DNAJC7: variants seen among roughly 807,000 people sequenced by gnomAD.
The protein encoded by DNAJC7 is DnaJ heat shock protein family (Hsp40) member C7.
In DNAJC7, 18 loss-of-function variants were observed where a neutral mutation model predicts 67.4. The observed-to-expected ratio is 0.27, with a 90% confidence interval of 0.18 to 0.40. The LOEUF (loss-of-function observed/expected upper bound fraction) is 0.40, where lower values mean the gene tolerates loss of function less well. Ranked by LOEUF, DNAJC7 falls within the 10% of genes least tolerant of loss-of-function variation. DNAJC7 has a pLI of 1.00. For missense variants in DNAJC7, 419 were observed against 613.8 expected (o/e 0.68, Z 3.35); for synonymous variants, 220 against 207.8 (o/e 1.06, Z -0.50).
chr17:41,988,047 G>A, intron 8 of DNAJC7, 137 bp from the exon 9 acceptor site: 2 of 694,374 alleles, frequency 2.9e-6, no homozygotes, highest in Non-Finnish European at 4.8e-6. Flanking sequence ...CTAGTTCTTT[G>A]TCACCAGGGC....
chr17:42,004,831 G>A (rs187842086), intron 1 of DNAJC7, among the ~76,000 whole-genome samples: 5 of 152,324 alleles, frequency 3.3e-5, no homozygotes, highest in Admixed American at 1.3e-4. Flanking sequence ...TTTGAGAACA[G>A]CCTGGAAAAC....
intron 5 of DNAJC7, among the ~76,000 whole-genome samples, chr17:41,991,114 A>G (rs1299993284): frequency 6.6e-6 from 1 of 152,178 alleles, no homozygotes; most frequent in Non-Finnish European, 1.5e-5. Context: ...ATCTCCATAT[A>G]TTCTGTTTTT....
At chr17:41,977,411 C>T (rs549461322) in intron 12 of DNAJC7, 88 bp from the exon 13 acceptor site, 5 of 1,236,518 alleles carry the variant, frequency 4.0e-6, no homozygotes, top group Non-Finnish European at 4.6e-6. Context: ...GAGAACAGAT[C>T]TCCAAAGCTT....
intron 1 of DNAJC7, chr17:42,016,174 C>T (rs183755229): frequency 6.6e-6 from 1 of 152,334 alleles, no homozygotes; most frequent in African/African-American, 2.4e-5. Flanking sequence ...AGATCAGGAA[C>T]TTGAGATCTG....
At position 41,996,325 on chromosome 17, in the gene DNAJC7, G is replaced by A; in HGVS notation, c.391C>T (p.Gln131Ter). Residue 131 changes from glutamine (Q) to a stop codon, truncating the protein, a stop_gained, in exon 4 of 14, where the codon CAG becomes TAG. Coordinates refer to ENST00000457167, the MANE Select transcript of DNAJC7 (RefSeq NM_003315.4). LOFTEE classifies it high-confidence loss of function. ...CAGACCCGTACCTCTTGTTGTGCCT[G>A]AGCATTTTTATGATCCAGTTCTAGG... ...RALELDHKNA[Q>*]AQQEFKNANA... The A allele has an allele frequency of 6.2e-7, 1 of 1,613,822 alleles. No homozygotes were observed. Among genetic ancestry groups the A allele is most frequent in the Non-Finnish European group, 8.5e-7 (1 of 1,179,858 alleles).
intron 9 of DNAJC7, 131 bp from the exon 10 acceptor site, chr17:41,983,767 C>T (rs2051308076): frequency 2.9e-6 from 2 of 679,750 alleles, no homozygotes; most frequent in South Asian, 5.7e-5. Flanking sequence ...GAAACAGGAG[C>T]CCTTAATCTA....
chr17:42,006,670 A>C (rs1490342618), intron 1 of DNAJC7, among the ~76,000 whole-genome samples: 1 of 150,838 alleles, frequency 6.6e-6, no homozygotes, highest in Non-Finnish European at 1.5e-5. Flanking sequence ...GGTGGCATGC[A>C]CCTGTAATCC....
At chr17:42,000,623 T>C (rs2051784152) in intron 1 of DNAJC7, 53 bp from the exon 2 acceptor site, 5 of 1,390,744 alleles carry the variant, frequency 3.6e-6, no homozygotes, top group Non-Finnish European at 5.0e-6. Flanking sequence ...GAATAACCTC[T>C]GTAATCTTAC....
At chr17:42,005,883 G>T (rs1299898261) in intron 1 of DNAJC7, among the ~76,000 whole-genome samples, 1 of 151,594 alleles carries the variant, frequency 6.6e-6, no homozygotes, top group African/African-American at 2.4e-5. Context: ...TGGGATTACA[G>T]GCACACGCCA....
chr17:41,986,047 T>TTAAA (rs2051365842), intron 9 of DNAJC7: 1 of 32,550 alleles, frequency 3.1e-5, no homozygotes, highest in Non-Finnish European at 5.3e-5. Context: ...GGGGCTTGCT[T>TTAAA]AAAAAAAAAA....
chr17:41,979,352 C>CA (rs200056843), intron 12 of DNAJC7, among the ~76,000 whole-genome samples: 4,209 of 148,434 alleles, frequency 0.028, 73 homozygotes, highest in South Asian at 0.092. Flanking sequence ...AACATAACAA[C>CA]AAAAAAAAAT....
At chr17:41,999,677 C>T (rs1387040900) in intron 2 of DNAJC7, among the ~76,000 whole-genome samples, 1 of 150,680 alleles carries the variant, frequency 6.6e-6, no homozygotes, top group Admixed American at 6.6e-5. Context: ...CGCACCACCA[C>T]ACCCAGCAAA....
chr17:42,012,520 A>C (rs181740404), intron 1 of DNAJC7, among the ~76,000 whole-genome samples: 4 of 152,212 alleles, frequency 2.6e-5, no homozygotes, highest in African/African-American at 9.6e-5. Flanking sequence ...CAAGTTTACC[A>C]TAAGAAAGAC....
chr17:41,979,657 TAAAAA>T (rs71155200), intron 12 of DNAJC7, among the ~76,000 whole-genome samples: 2 of 47,836 alleles, frequency 4.2e-5, no homozygotes, highest in Admixed American at 4.0e-4. Flanking sequence ...GGCTCAGTCT[TAAAAA>T]AAAAAAAAAA....
intron 1 of DNAJC7, among the ~76,000 whole-genome samples, chr17:42,003,089 T>C (rs1370204518): frequency 2.6e-5 from 4 of 152,136 alleles, no homozygotes; most frequent in African/African-American, 9.7e-5. Context: ...ACAAGAAGAA[T>C]TGTGTTGTGA....
rs1270076970 is a variant in DNAJC7, at chr17:41,977,252, C to T, written c.1447+9G>A. 1.9e-6 allele frequency: 3 copies of T among 1,575,746 alleles called. No homozygotes were observed. The highest frequency in any genetic ancestry group is 1.7e-6 in the Non-Finnish European group (2 of 1,161,190). On this transcript the variant is annotated intron_variant, in intron 13 of 13. Coordinates refer to ENST00000457167, the MANE Select transcript of DNAJC7 (RefSeq NM_003315.4). The stretch of plus-strand genomic sequence containing the variant: ...TCTGGGAACTCCCAAGAACAGCAGG[C>T]CCACCTACCTTCAAAGCTGAAGCCG...
chr17:41,997,927 ATCT>A (rs2051704770), intron 2 of DNAJC7, among the ~76,000 whole-genome samples: 1 of 152,054 alleles, frequency 6.6e-6, no homozygotes, highest in Admixed American at 6.6e-5. Context: ...CAGTGGTATG[ATCT>A]CTGCTCACTG....
intron 2 of DNAJC7, among the ~76,000 whole-genome samples, chr17:41,999,312 T>C (rs1218748233): frequency 6.6e-6 from 1 of 151,914 alleles, no homozygotes; most frequent in Non-Finnish European, 1.5e-5. Context: ...AATGTGCATG[T>C]TGAGTTGGGG....
chr17:41,991,804 T>C (rs2051515623), intron 5 of DNAJC7, among the ~76,000 whole-genome samples: 1 of 152,178 alleles, frequency 6.6e-6, no homozygotes, highest in Non-Finnish European at 1.5e-5. Flanking sequence ...CTCAGCCTCA[T>C]GAGTAGTTGG....
Sources: gnomAD v4.1 joint callset for allele counts (sites outside exome capture counted in the v4.1 genomes callset) on GRCh38, gnomAD v4.1.1 for gene constraint, MANE v1.5 for transcripts, NCBI Gene and HGNC (gene_info 2026-07-23, HGNC 2026-07-21) for gene names.